PTPRM: variants seen among roughly 807,000 people sequenced by gnomAD.
PTPRM encodes the protein receptor-type tyrosine-protein phosphatase mu.
In PTPRM, 47 loss-of-function variants were observed where a neutral mutation model predicts 186.7. The ratio of observed to expected loss-of-function variants is 0.25; its 90% CI spans 0.20 to 0.32. The LOEUF (loss-of-function observed/expected upper bound fraction) is 0.32. PTPRM is among the 10% of genes least tolerant of loss of function. PTPRM has a pLI of 1.00. For missense variants in PTPRM, 1,494 were observed against 1,865.0 expected (o/e 0.80, Z 3.66); for synonymous variants, 668 against 674.9 (o/e 0.99, Z 0.16).
chr18:7,625,819 G>A (rs1047901104), intron 1 of PTPRM, among the ~76,000 whole-genome samples: 3 of 152,234 alleles, frequency 2.0e-5, no homozygotes, highest in African/African-American at 7.2e-5. Flanking sequence ...ACAGGCGTGA[G>A]CAACAGCGCC....
At position 7,656,963 on chromosome 18, in the gene PTPRM, G is replaced by C. The variant is rs149747703; in HGVS notation, c.73+89072G>C. 1.1e-3 allele frequency among the ~76,000 whole-genome samples: 165 copies of C among 152,102 alleles called. 7 individuals are homozygous for C. In the South Asian group the frequency reaches 0.034, roughly 31 times the overall value. ...CCTTTCACTGCTGTAAGGCCAAGGT[G>C]GATGTGTAGGAAGCAGAGGTATCTC... is the stretch of plus-strand genomic sequence containing the variant. On this transcript the variant is annotated intron_variant, in intron 1 of 32. Transcript: ENST00000580170.
chr18:8,340,243 C>CT (rs530359097), intron 22 of PTPRM, among the ~76,000 whole-genome samples: 5 of 151,746 alleles, frequency 3.3e-5, no homozygotes, highest in Admixed American at 3.3e-4. Context: ...TCTGCCTGTA[C>CT]TTTTTTTTTC....
chr18:7,838,255 A>G (rs2046152590), intron 2 of PTPRM, among the ~76,000 whole-genome samples: 1 of 152,162 alleles, frequency 6.6e-6, no homozygotes, highest in Admixed American at 6.5e-5. Flanking sequence ...TTATGAAACC[A>G]TCAGATTTTG....
intron 1 of PTPRM, among the ~76,000 whole-genome samples, chr18:7,574,727 T>G (rs1026409611): frequency 3.3e-5 from 5 of 152,194 alleles, no homozygotes; most frequent in African/African-American, 9.7e-5. Context: ...AAATTCCAAA[T>G]AGAAAGAAAA....
chr18:7,608,351 A>G lies in PTPRM; in HGVS notation c.73+40460A>G, dbSNP rs866365127. 9.2e-5 allele frequency among the ~76,000 whole-genome samples: 14 copies of G among 152,336 alleles called. No individual in the cohort carries two copies. In the Middle Eastern group the frequency reaches 0.02, roughly 222 times the overall value. ...CTTGTCCAGAACAAAGACGGTTTCT[A>G]CTAATTTTTTACATTCCATTTTTAT... On this transcript the variant is annotated intron_variant, in intron 1 of 32. Coordinates refer to ENST00000580170, the MANE Select transcript of PTPRM (RefSeq NM_001105244.2).
chr18:8,118,127 A>T (rs556392670), intron 13 of PTPRM, among the ~76,000 whole-genome samples: 216 of 152,336 alleles, frequency 1.4e-3, no homozygotes, highest in Non-Finnish European at 2.8e-3. Context: ...TTAATTTCTT[A>T]TATTGAATGA....
At chr18:8,108,342 A>G (rs2091611484) in intron 11 of PTPRM, among the ~76,000 whole-genome samples, 1 of 152,064 alleles carries the variant, frequency 6.6e-6, no homozygotes, top group South Asian at 2.1e-4. Context: ...CAAAAACAAC[A>G]ATGAAAGCGT....
At chr18:8,223,179 G>A (rs571800006) in intron 14 of PTPRM, among the ~76,000 whole-genome samples, 9 of 152,188 alleles carry the variant, frequency 5.9e-5, no homozygotes, top group East Asian at 5.8e-4. Flanking sequence ...AGCCACGATC[G>A]CACCACTGCA....
rs35010361 is a variant in PTPRM at position 7,966,926 on chromosome 18, T to C, written c.1132+11512T>C. 1.7e-5 allele frequency among the ~76,000 whole-genome samples: 2 copies of C among 119,090 alleles called. 1 individual carries two copies. Among genetic ancestry groups the C allele is most frequent in the Non-Finnish European group, 4.0e-5 (2 of 49,700 alleles). The allele number at this position is 119,090 out of a possible 152,430, so 78.1% of individuals were successfully genotyped here. On this transcript the variant is annotated intron_variant, in intron 7 of 32. Coordinates refer to ENST00000580170, the MANE Select transcript of PTPRM (RefSeq NM_001105244.2). ...GCTTGCTGAGGTAAACAAAGCAGCC[T>C]GGAAGCTCGAACTGGGTGGAGCCCA...
At chr18:8,053,702 A>C (rs546213331) in intron 7 of PTPRM, among the ~76,000 whole-genome samples, 2 of 152,294 alleles carry the variant, frequency 1.3e-5, no homozygotes, top group Admixed American at 1.3e-4. Flanking sequence ...ATTAGGTTTT[A>C]ATTGAAATTG....
intron 2 of PTPRM, among the ~76,000 whole-genome samples, chr18:7,847,481 A>C (rs542575079): frequency 6.6e-6 from 1 of 152,196 alleles, no homozygotes; most frequent in East Asian, 1.9e-4. Context: ...ATCTAGCTTA[A>C]TCATAAATGG....
chr18:7,720,830 G>C (rs2040432603), intron 1 of PTPRM, among the ~76,000 whole-genome samples: 1 of 152,136 alleles, frequency 6.6e-6, no homozygotes, highest in Non-Finnish European at 1.5e-5. Context: ...GATGAATAAT[G>C]TTCCATTGTA....
chr18:8,043,359 G>T (rs566288435), intron 7 of PTPRM, among the ~76,000 whole-genome samples: 2 of 152,238 alleles, frequency 1.3e-5, no homozygotes, highest in Admixed American at 1.3e-4. Context: ...CGCAGTTTTA[G>T]TCTGCTGCCC....
intron 7 of PTPRM, among the ~76,000 whole-genome samples, chr18:8,053,659 T>A (rs3865362): frequency 1.3e-5 from 2 of 151,932 alleles, no homozygotes; most frequent in Admixed American, 1.3e-4. Context: ...TTATTTACTT[T>A]AGAATCAATT....
At chr18:7,979,632 G>A (rs1317846097) in intron 7 of PTPRM, among the ~76,000 whole-genome samples, 1 of 152,126 alleles carries the variant, frequency 6.6e-6, no homozygotes, top group Non-Finnish European at 1.5e-5. Context: ...TTATTCTCAG[G>A]AAACGACATC....
intron 7 of PTPRM, among the ~76,000 whole-genome samples, chr18:7,998,085 C>T (rs1268001152): frequency 3.3e-5 from 5 of 152,086 alleles, no homozygotes; most frequent in Admixed American, 3.3e-4. Context: ...TTTGCACTCT[C>T]ATATTTATTG....
rs990235609 is a variant in PTPRM, at chr18:8,301,585, C to T, written c.2842+5130C>T. Among the ~76,000 whole-genome samples, 5 of 152,224 alleles carry T rather than the reference C, an allele frequency of 3.3e-5. No homozygotes were observed. The East Asian group carries it at 7.7e-4, about 23-fold the overall frequency. On this transcript the variant is annotated intron_variant, in intron 20 of 32. Coordinates refer to ENST00000580170, the MANE Select transcript of PTPRM (RefSeq NM_001105244.2). ...TATTCAACAAGTATATATTGATCTG[C>T]CATGTGCCAGGCACTGTGCCAAACC...
chr18:7,868,014 C>G (rs752711979), intron 2 of PTPRM, among the ~76,000 whole-genome samples: 1 of 152,064 alleles, frequency 6.6e-6, no homozygotes, highest in Non-Finnish European at 1.5e-5. Flanking sequence ...GTATGCTTCA[C>G]GAAGTTCTCG....
At chr18:7,795,944 G>A (rs1042732628) in intron 2 of PTPRM, among the ~76,000 whole-genome samples, 1 of 150,696 alleles carries the variant, frequency 6.6e-6, no homozygotes, top group African/African-American at 2.4e-5. Flanking sequence ...CTCCCAAGTA[G>A]CTAGGACTAC....
Sources: gnomAD v4.1 joint callset for allele counts (sites outside exome capture counted in the v4.1 genomes callset) on GRCh38, gnomAD v4.1.1 for gene constraint, MANE v1.5 for transcripts, NCBI Gene and HGNC (gene_info 2026-07-23, HGNC 2026-07-21) for gene names.